The following MYBPC3 variants were observed in gnomAD, a reference collection of about 807,000 sequenced individuals.
The protein encoded by MYBPC3 is myosin binding protein C3.
Under a neutral mutation model 159.3 loss-of-function variants are expected in MYBPC3, and 108 were observed. The ratio of observed to expected loss-of-function variants is 0.68; its 90% CI spans 0.58 to 0.80. The LOEUF (loss-of-function observed/expected upper bound fraction) is 0.80. Ranked by LOEUF, MYBPC3 falls within the 30% of genes least tolerant of loss-of-function variation. The probability of loss-of-function intolerance (pLI) is 0.00; values close to 1 mark genes in which losing one functional copy is unlikely to be tolerated. For synonymous variants in MYBPC3, 730 were observed against 702.0 expected (o/e 1.04, Z -0.63); for missense variants, 1,631 against 1,762.1 (o/e 0.93, Z 1.33).
intron 20 of MYBPC3, 30 bp downstream of exon 20, chr11:47,340,973 G>A: frequency 6.5e-7 from 1 of 1,540,922 alleles, no homozygotes; most frequent in Non-Finnish European, 8.7e-7. Context: ...AAAGTGAGCA[G>A]AACCAAGACT....
At chr11:47,343,913 C>A (rs182390361) in intron 12 of MYBPC3, among the ~76,000 whole-genome samples, 1 of 152,170 alleles carries the variant, frequency 6.6e-6, no homozygotes, top group Non-Finnish European at 1.5e-5. Flanking sequence ...CTCGGCCTCC[C>A]GAGTAGCTGG....
At chr11:47,345,536 C>G (rs898161657) in intron 12 of MYBPC3, among the ~76,000 whole-genome samples, 6 of 152,112 alleles carry the variant, frequency 3.9e-5, no homozygotes, top group Non-Finnish European at 5.9e-5. Context: ...ATAGAGCGCT[C>G]GAGGTGTGTG....
rs1255776478 is a variant in MYBPC3, at chr11:47,332,147, C to T, written c.3739G>A (p.Asp1247Asn). The T allele has an allele frequency of 1.9e-6, 3 of 1,613,760 alleles. No homozygotes were observed. The highest frequency in any genetic ancestry group is 2.5e-6 in the Non-Finnish European group (3 of 1,179,892). The change falls in exon 33 of 35, where the codon GAC becomes AAC. Residue 1247 changes from aspartate (D) to asparagine (N), a missense_variant. Asp to Asn is a conservative substitution (Grantham distance 23, BLOSUM62 1). Transcript: ENST00000545968. The surrounding 1 kb of genome is among the most constrained non-coding windows in gnomAD (Gnocchi z 4.2). ...TLEIRKPCPF[D>N]GGIYVCRATN... ...GCCCTGCAGACATAGATGCCCCCGTCAAAGGGGCAGGGCTTTCTAATCTCC... is the reference window on the plus strand; with the variant it reads ...GCCCTGCAGACATAGATGCCCCCGTTAAAGGGGCAGGGCTTTCTAATCTCC...
chr11:47,332,896 G>A lies in MYBPC3; in HGVS notation c.3408C>T (p.Tyr1136=), dbSNP rs193922383. Residue 1136 remains tyrosine (Y), a synonymous_variant, in exon 31 of 35, where the codon TAC becomes TAT. Coordinates refer to ENST00000545968, the MANE Select transcript of MYBPC3 (RefSeq NM_000256.3). The surrounding 1 kb of genome is among the most constrained non-coding windows in gnomAD (Gnocchi z 4.2). ...CCATATTCTGGCTGAAGACGCGGAA[G>A]TAGTAGCCATTGCCAATGATGAGCT... The part of the protein sequence containing the change: ...VPELIIGNGY[Y]FRVFSQNMVG... The A allele has an allele frequency of 5.0e-6, 8 of 1,608,886 alleles. No homozygotes were observed. The highest frequency in any genetic ancestry group is 1.7e-4 in the Middle Eastern group (1 of 6,052).
At chr11:47,344,873 C>G (rs1485779476) in intron 12 of MYBPC3, among the ~76,000 whole-genome samples, 1 of 152,244 alleles carries the variant, frequency 6.6e-6, no homozygotes, top group Non-Finnish European at 1.5e-5. Context: ...TCACTGCAAC[C>G]TCTGCCTCCC....
In MYBPC3 at chr11:47,339,699, G is replaced by T. The variant is rs746263346; in HGVS notation, c.2019C>A (p.Ile673=). ...TCACAGTGGGAGCAGGGTCCCCAGA[G>T]ATAGGGACGTCCAGACGTAGCTTAT... The part of the protein sequence containing the change: ...AGNKLRLDVP[I]SGDPAPTVIW... Residue 673 remains isoleucine (I), a synonymous_variant, in exon 21 of 35, where the codon ATC becomes ATA. Transcript: ENST00000545968. 3.1e-6 allele frequency: 5 copies of T among 1,613,600 alleles called. No individual in the cohort carries two copies. The highest frequency in any genetic ancestry group is 1.7e-4 in the Middle Eastern group (1 of 6,060).
Position 47,332,490 on chromosome 11 carries a change from G to A in MYBPC3, c.3627+76C>T. The stretch of plus-strand genomic sequence containing the variant: ...AGAGAAAGCAGGGGAGACAGGCTGG[G>A]GAGAGGACTGCTCAACGTCGGGGCC... On this transcript the variant is annotated intron_variant, in intron 32 of 34. Transcript: ENST00000545968. This position sits in a 1 kb window ranked among gnomAD's most constrained non-coding sequence, Gnocchi z 4.2. 2 of 1,552,802 alleles carry A rather than the reference G, an allele frequency of 1.3e-6. No homozygotes were observed. Among genetic ancestry groups the A allele is most frequent in the Non-Finnish European group, 1.7e-6 (2 of 1,147,490 alleles).
intron 30 of MYBPC3, 103 bp downstream of exon 30, chr11:47,333,087 CAGAG>C: frequency 6.6e-7 from 1 of 1,521,960 alleles, no homozygotes; most frequent in Non-Finnish European, 8.9e-7. Context: ...TTCAGATCAG[CAGAG>C]GGAGGGTGAG....
intron 12 of MYBPC3, among the ~76,000 whole-genome samples, chr11:47,345,797 CT>C (rs1359736474): frequency 6.6e-6 from 1 of 152,168 alleles, no homozygotes; most frequent in Non-Finnish European, 1.5e-5. Context: ...CTTCCCTTTT[CT>C]TTTGGGTGTG....
Position 47,332,074 on chromosome 11 carries a change from C to T in MYBPC3, c.3812G>A (p.Arg1271Gln), listed in dbSNP as rs762225417. ...EARCECRLEV[R>Q]VPQ is the part of the protein sequence containing the mutation. ...CCCTGGCCCCGAGGGCTCCTCACCT[C>T]GCACCTCCAGGCGGCACTCACACCG... The change falls in exon 33 of 35, where the codon CGA becomes CAA. Residue 1271 changes from arginine (R) to glutamine (Q), a missense_variant and splice_region_variant. Arg to Gln is a conservative substitution (Grantham distance 43). Transcript: ENST00000545968. The surrounding 1 kb of genome is among the most constrained non-coding windows in gnomAD (Gnocchi z 4.2). 12 of 1,607,886 alleles carry T rather than the reference C, an allele frequency of 7.5e-6. No homozygotes were observed. Among genetic ancestry groups the T allele is most frequent in the African/African-American group, 6.7e-5 (5 of 74,772 alleles).
chr11:47,347,649 A>G lies in MYBPC3; in HGVS notation c.851+2T>C, dbSNP rs1194615408. On this transcript the variant is annotated splice_donor_variant, in intron 8 of 34. Coordinates refer to ENST00000545968, the MANE Select transcript of MYBPC3 (RefSeq NM_000256.3). LOFTEE classifies it high-confidence loss of function. ...TGCAGGTAGGGCCTGGGGCAGGGGT[A>G]CCTGATCCGCCGACCACCTCCAGCC... The G allele has an allele frequency of 1.3e-6, 2 of 1,573,916 alleles. No individual in the cohort carries two copies. Among genetic ancestry groups the G allele is most frequent in the South Asian group, 2.3e-5 (2 of 85,738 alleles).
chr11:47,335,083 G>T lies in MYBPC3; in HGVS notation c.2864C>A (p.Pro955His), dbSNP rs2095880941. The T allele has an allele frequency of 1.9e-6, 3 of 1,597,442 alleles. No individual in the cohort carries two copies. The highest frequency in any genetic ancestry group is 2.6e-6 in the Non-Finnish European group (3 of 1,171,028). Residue 955 changes from proline to histidine, a missense_variant, in exon 27 of 35, where the codon CCT becomes CAT. Transcript: ENST00000545968. ...TGTCACCGGCTCCGTGGTGGTAACA[G>T]GGGCTCCAGGCCCTGCCATATTGTG... ...RAHNMAGPGAPVTTTEPVTVQ... is the reference protein window; with the variant it reads ...RAHNMAGPGAHVTTTEPVTVQ...
At chr11:47,333,166 A>C in intron 30 of MYBPC3, 28 bp downstream of exon 30, 1 of 1,594,476 alleles carries the variant, frequency 6.3e-7, no homozygotes, top group South Asian at 1.1e-5. Flanking sequence ...GGCAGGGTGC[A>C]CGTGGGGACC....
intron 12 of MYBPC3, among the ~76,000 whole-genome samples, chr11:47,344,269 CCT>C (rs1338260636): frequency 2.6e-5 from 4 of 152,204 alleles, no homozygotes; most frequent in African/African-American, 9.6e-5. Context: ...CTCAGCAACC[CCT>C]GAGTTGTGTA....
chr11:47,335,454 C>A (rs1453163979), intron 26 of MYBPC3: 1 of 340,378 alleles, frequency 2.9e-6, no homozygotes, highest in Non-Finnish European at 5.3e-6. Flanking sequence ...CAGCCTCCCG[C>A]GTAGCTGGGA....
Position 47,332,235 on chromosome 11 carries a change from A to T in MYBPC3, c.3651T>A (p.Asn1217Lys). ...SPKPKISWFK[N>K]GLDLGEDARF... is the part of the protein sequence containing the mutation. Reference sequence around the variant, plus strand: ...GGGCGTCTTCTCCCAGGTCCAGGCCATTCTTGAACCAGGAAATCTTGGGCT... The same window carrying T: ...GGGCGTCTTCTCCCAGGTCCAGGCCTTTCTTGAACCAGGAAATCTTGGGCT... The change falls in exon 33 of 35, where the codon AAT (asparagine) becomes AAA (lysine). Residue 1217 changes from asparagine (N) to lysine (K), a missense_variant. Transcript: ENST00000545968. The surrounding 1 kb of genome is among the most constrained non-coding windows in gnomAD (Gnocchi z 4.2). The T allele has an allele frequency of 6.2e-7, 1 of 1,613,830 alleles. No homozygotes were observed.
At chr11:47,336,966 C>T (rs1007315624) in intron 25 of MYBPC3, among the ~76,000 whole-genome samples, 4 of 152,228 alleles carry the variant, frequency 2.6e-5, no homozygotes, top group Non-Finnish European at 5.9e-5. Context: ...CTTGCCCCAT[C>T]CCATAGGTGA....
rs117354682 is a variant in MYBPC3, at chr11:47,332,624, C to A, written c.3569G>T (p.Arg1190Leu). The change falls in exon 32 of 35, where the codon CGC becomes CTC. Residue 1190 changes from arginine to leucine, a missense_variant. Coordinates refer to ENST00000545968, the MANE Select transcript of MYBPC3 (RefSeq NM_000256.3). This position sits in a 1 kb window ranked among gnomAD's most constrained non-coding sequence, Gnocchi z 4.2. ...APSFTQPLVN[R>L]SVIAGYTAML... ...AGCAGTGTAGCCCGCGATGACCGAGCGGTTCACCAGGGGCTGGGTGAAGCT... is the reference window on the plus strand; with the variant it reads ...AGCAGTGTAGCCCGCGATGACCGAGAGGTTCACCAGGGGCTGGGTGAAGCT... The A allele has an allele frequency of 2.5e-6, 4 of 1,613,864 alleles. No individual in the cohort carries two copies. The South Asian group carries it at 3.3e-5, about 13-fold the overall frequency.
In MYBPC3 at chr11:47,333,618, G is replaced by A. The variant is rs573821685; in HGVS notation, c.3129C>T (p.Tyr1043=). The A allele has an allele frequency of 2.5e-6, 4 of 1,605,444 alleles. No individual in the cohort carries two copies. In the Admixed American group the frequency reaches 5.0e-5, roughly 20 times the overall value. The change falls in exon 29 of 35, where the codon TAC becomes TAT. Residue 1043 remains tyrosine, a synonymous_variant. Transcript: ENST00000545968. ...RAARRVHSGT[Y]QVTVRIENME... ...TGTTCTCAATGCGCACCGTCACCTG[G>A]TAAGTGCCTGAATGCACGCGGCGAG...
Sources: allele counts gnomAD v4.1 joint callset (sites outside exome capture counted in the v4.1 genomes callset), GRCh38; gene constraint gnomAD v4.1.1; non-coding constraint Gnocchi (gnomAD v3.1); transcripts MANE v1.5; gene names NCBI Gene and HGNC (gene_info 2026-07-23, HGNC 2026-07-21).